Variants in CDH3 observed in about 807,000 individuals in gnomAD.
CDH3 encodes the protein cadherin-3.
A neutral mutation model predicts 82.0 loss-of-function variants in CDH3; 54 were observed. The ratio of observed to expected loss-of-function variants is 0.66; its 90% CI spans 0.53 to 0.83. CDH3 has a LOEUF of 0.83. CDH3 is among the 40% of genes least tolerant of loss of function. The probability of loss-of-function intolerance (pLI) is 0.00; values close to 1 mark genes in which losing one functional copy is unlikely to be tolerated. For synonymous variants in CDH3, 446 were observed against 437.9 expected (o/e 1.02, Z -0.23); for missense variants, 1,054 against 1,084.6 (o/e 0.97, Z 0.40).
At chr16:68,719,256 A>G (rs112507728) in intron 1 of CDH3, among the ~76,000 whole-genome samples, 2 of 85,200 alleles carry the variant, frequency 2.3e-5, no homozygotes, top group East Asian at 3.7e-4. Context: ...AAAAAAAAGA[A>G]AAAAAAAAAA....
intron 2 of CDH3, among the ~76,000 whole-genome samples, chr16:68,662,747 C>T (rs561249679): frequency 3.3e-5 from 5 of 151,598 alleles, no homozygotes; most frequent in East Asian, 3.9e-4. Flanking sequence ...GGAGTTTCAC[C>T]GCATTAGCCA....
rs1315834589 is a variant in CDH3, at chr16:68,678,158, A to T, written c.271A>T (p.Asn91Tyr). 1.2e-6 allele frequency: 2 copies of T among 1,613,944 alleles called. No homozygotes were observed. The highest frequency in any genetic ancestry group is 2.7e-5 in the African/African-American group (2 of 74,912). ...VQERRSLKERNPLKIFPSKRI... is the reference protein window; with the variant it reads ...VQERRSLKERYPLKIFPSKRI... ...GGAAAGAAGGTCACTGAAGGAAAGG[A>T]ATCCATTGAAGATCTTCCCATCCAA... The change falls in exon 4 of 16, where the codon AAT becomes TAT. Residue 91 changes from asparagine to tyrosine, a missense_variant. Asn to Tyr is a moderately radical substitution (Grantham distance 143, BLOSUM62 -2). Coordinates refer to ENST00000264012, the MANE Select transcript of CDH3 (RefSeq NM_001793.6).
chr16:68,724,932 T>A (rs1357459901), intron 2 of CDH3, among the ~76,000 whole-genome samples: 1 of 152,128 alleles, frequency 6.6e-6, no homozygotes, highest in Admixed American at 6.6e-5. Context: ...AGAGGGTTGG[T>A]TGGGGAAGGG....
chr16:68,669,079 G>T (rs183366293), intron 2 of CDH3, among the ~76,000 whole-genome samples: 1 of 152,146 alleles, frequency 6.6e-6, no homozygotes, highest in African/African-American at 2.4e-5. Context: ...TCCAAATTTC[G>T]TATTCTTCAT....
intron 2 of CDH3, among the ~76,000 whole-genome samples, chr16:68,724,583 C>T (rs780211264): frequency 1.3e-5 from 2 of 151,762 alleles, no homozygotes; most frequent in African/African-American, 2.4e-5. Context: ...GCTATGATCC[C>T]ACCACTGCAT....
chr16:68,671,966 T>C (rs1263394403), intron 2 of CDH3, among the ~76,000 whole-genome samples: 2 of 151,822 alleles, frequency 1.3e-5, no homozygotes, highest in Non-Finnish European at 2.9e-5. Flanking sequence ...TGCAGAAAAA[T>C]TGAGAAAATA....
chr16:68,654,257 C>T (rs1960339121), intron 2 of CDH3, among the ~76,000 whole-genome samples: 1 of 149,398 alleles, frequency 6.7e-6, no homozygotes, highest in Non-Finnish European at 1.5e-5. Flanking sequence ...GACAGGGTTT[C>T]ACCGTGTTAG....
rs1961681895 is a variant in CDH3 at position 68,695,239 on chromosome 16, T to A, written c.2003-16T>A. 5 of 1,613,894 alleles carry A rather than the reference T, an allele frequency of 3.1e-6. No individual in the cohort carries two copies. Among genetic ancestry groups the A allele is most frequent in the Admixed American group, 1.7e-5 (1 of 59,988 alleles). On this transcript the variant is annotated splice_polypyrimidine_tract_variant and intron_variant, in intron 13 of 15. Coordinates refer to ENST00000264012, the MANE Select transcript of CDH3 (RefSeq NM_001793.6). Reference sequence around the variant, plus strand: ...GTGGTTACAGAGGGAGCACTCACACTCCCCAACCCTTGCAGTCCTCCTGCT... The same window carrying A: ...GTGGTTACAGAGGGAGCACTCACACACCCCAACCCTTGCAGTCCTCCTGCT...
intron 2 of CDH3, among the ~76,000 whole-genome samples, chr16:68,654,662 C>G (rs1450392280): frequency 3.8e-4 from 55 of 143,686 alleles, no homozygotes; most frequent in Non-Finnish European, 7.5e-5. Flanking sequence ...GAGATCGTGT[C>G]ACTGCACTCC....
In CDH3 at chr16:68,650,895, G is replaced by A. The variant is rs115807851; in HGVS notation, c.160+5145G>A. ...TATCCCTGCTGCCACATCCCATGAC[G>A]CCACTCACAGACCCTCAGTTGATTG... On this transcript the variant is annotated intron_variant, in intron 2 of 15. Coordinates refer to ENST00000264012, the MANE Select transcript of CDH3 (RefSeq NM_001793.6). Among the ~76,000 whole-genome samples, 1,128 of 150,018 alleles carry A rather than the reference G, an allele frequency of 7.5e-3. 15 individuals are homozygous for A. The highest frequency in any genetic ancestry group is 0.027 in the African/African-American group (1,076 of 40,540).
intron 2 of CDH3, among the ~76,000 whole-genome samples, chr16:68,663,172 G>GT (rs1960640368): frequency 6.8e-6 from 1 of 147,896 alleles, no homozygotes; most frequent in African/African-American, 2.5e-5. Context: ...CAGCCAGATT[G>GT]TTTTTTATCC....
At chr16:68,712,074 G>A (rs1962039044) in intron 1 of CDH3, among the ~76,000 whole-genome samples, 1 of 134,414 alleles carries the variant, frequency 7.4e-6, no homozygotes, top group South Asian at 2.4e-4. Context: ...CTCTCGCGAT[G>A]TCACCCAGGC....
chr16:68,668,316 A>C (rs958849809), intron 2 of CDH3, among the ~76,000 whole-genome samples: 1 of 152,180 alleles, frequency 6.6e-6, no homozygotes, highest in Non-Finnish European at 1.5e-5. Flanking sequence ...TTGTGGAACC[A>C]TGCTGCAGTT....
rs1301814582 is a variant in CDH3, at chr16:68,700,130, C to T, written c.*1730C>T. 3.3e-5 allele frequency: 5 copies of T among 152,158 alleles called. No homozygotes were observed. The highest frequency in any genetic ancestry group is 9.7e-5 in the African/African-American group (4 of 41,440). 9.4% of individuals were successfully genotyped at this position (152,158 alleles called of 1,614,324 possible). ...TGAAATTGGAACATTCCTGACAATA[C>T]CAGGGCATAAATGCAGGAATCAGGA... On this transcript the variant is annotated 3_prime_UTR_variant, in exon 16 of 16. Coordinates refer to ENST00000264012, the MANE Select transcript of CDH3 (RefSeq NM_001793.6).
rs745858136 is a variant in CDH3, at chr16:68,684,731, C to T, written c.1331C>T (p.Ser444Phe). ...VNEAPVFVPPSKVVEVQEGIP... is the reference protein window; with the variant it reads ...VNEAPVFVPPFKVVEVQEGIP... The stretch of plus-strand genomic sequence containing the variant: ...GAGGCACCTGTGTTTGTCCCACCCT[C>T]CAAAGTCGTTGAGGTCCAGGAGGGC... Residue 444 changes from serine (S) to phenylalanine (F), a missense_variant, in exon 10 of 16, where the codon TCC becomes TTC. Ser to Phe is a radical substitution (Grantham distance 155). Coordinates refer to ENST00000264012, the MANE Select transcript of CDH3 (RefSeq NM_001793.6). The T allele has an allele frequency of 6.2e-7, 1 of 1,614,102 alleles. No individual in the cohort carries two copies. The highest frequency in any genetic ancestry group is 1.3e-5 in the African/African-American group (1 of 74,936).
chr16:68,677,429 C>G (rs1015126970), intron 3 of CDH3, among the ~76,000 whole-genome samples: 1 of 152,202 alleles, frequency 6.6e-6, no homozygotes, highest in Admixed American at 6.5e-5. Context: ...CTTAATCTTT[C>G]CATTTGACAG....
At chr16:68,653,533 G>A (rs1017484519) in intron 2 of CDH3, among the ~76,000 whole-genome samples, 1 of 152,128 alleles carries the variant, frequency 6.6e-6, no homozygotes, top group Non-Finnish European at 1.5e-5. Context: ...CATCGCGCCC[G>A]GCCGGCAGCA....
intron 15 of CDH3, 197 bp from the exon 16 acceptor site, chr16:68,697,994 G>A (rs1715339139): frequency 1.5e-6 from 1 of 653,696 alleles, no homozygotes; most frequent in Non-Finnish European, 2.8e-6. Flanking sequence ...CTTACCCCCT[G>A]GCCTGTGTTG....
At chr16:68,666,896 C>CT (rs1228560762) in intron 2 of CDH3, among the ~76,000 whole-genome samples, 1 of 151,788 alleles carries the variant, frequency 6.6e-6, no homozygotes, top group Non-Finnish European at 1.5e-5. Context: ...TTGTTGAGAC[C>CT]TTTTTTTGCT....
Sources: allele counts gnomAD v4.1 joint callset (sites outside exome capture counted in the v4.1 genomes callset), GRCh38; gene constraint gnomAD v4.1.1; transcripts MANE v1.5; gene names NCBI Gene and HGNC (gene_info 2026-07-23, HGNC 2026-07-21).